MAPK8IP2: variants seen among roughly 807,000 people sequenced by gnomAD.
MAPK8IP2 encodes the protein C-Jun-amino-terminal kinase-interacting protein 2.
Under a neutral mutation model 75.6 loss-of-function variants are expected in MAPK8IP2, and 15 were observed. The ratio of observed to expected loss-of-function variants is 0.20; its 90% CI spans 0.13 to 0.31. The LOEUF (loss-of-function observed/expected upper bound fraction) is 0.31, where lower values mean the gene tolerates loss of function less well. MAPK8IP2 is among the 10% of genes least tolerant of loss of function. The pLI is 1.00. For missense variants in MAPK8IP2, 1,089 were observed against 1,211.2 expected (o/e 0.90, Z 1.50); for synonymous variants, 632 against 554.5 (o/e 1.14, Z -1.96).
At chr22:50,606,846 G>T (rs1401417199) in intron 9 of MAPK8IP2, 75 bp from the exon 10 acceptor site, 9 of 1,593,038 alleles carry the variant, frequency 5.6e-6, no homozygotes, top group Admixed American at 1.7e-5. Flanking sequence ...GCTGGCAGGG[G>T]TGTCCAGTAG....
chr22:50,609,588 G>C, intron 10 of MAPK8IP2: 3 of 364,808 alleles, frequency 8.2e-6, no homozygotes, highest in Non-Finnish European at 1.6e-5. Context: ...TGGACGGGTC[G>C]GCCAGTTTCA....
intron 8 of MAPK8IP2, 46 bp downstream of exon 8, chr22:50,605,980 G>A (rs372723597): frequency 2.2e-5 from 31 of 1,432,174 alleles, no homozygotes; most frequent in African/African-American, 1.7e-4. Context: ...TCCGCTTGGC[G>A]GCCACACCAG....
At chr22:50,605,250 TAGG>T in intron 5 of MAPK8IP2, 115 bp from the exon 6 acceptor site, 1 of 1,145,248 alleles carries the variant, frequency 8.7e-7, no homozygotes. Flanking sequence ...TTCCCGCTCG[TAGG>T]ACACCTACAC....
rs953734555 is a variant in MAPK8IP2, at chr22:50,607,670, G to A, written c.2303+679G>A. ...GTGACCTGGAAGAGACCAGGGTGACGTCTCCCTGGGGGATGGTTGTACTGC... is the reference window on the plus strand; with the variant it reads ...GTGACCTGGAAGAGACCAGGGTGACATCTCCCTGGGGGATGGTTGTACTGC... On this transcript the variant is annotated intron_variant, in intron 10 of 11. Transcript: ENST00000329492. The surrounding 1 kb of genome is among the most constrained non-coding windows in gnomAD (Gnocchi z 5.6). Among the ~76,000 whole-genome samples the A allele has an allele frequency of 7.2e-5, 11 of 151,986 alleles. No individual in the cohort carries two copies. Among genetic ancestry groups the A allele is most frequent in the Admixed American group, 6.5e-4 (10 of 15,272 alleles).
chr22:50,604,956 C>T lies in MAPK8IP2; in HGVS notation c.1657C>T (p.Leu553=). ...EASEEEAGAA[L]LGGGQVSGDT... ...CAGCGAGGAGGAGGCGGGCGCGGCG[C>T]TGCTAGGCGGCGGTCAGGTCTCGGG... Residue 553 remains leucine (L), a synonymous_variant, in exon 5 of 12, where the codon CTG becomes TTG. Coordinates refer to ENST00000329492, the MANE Select transcript of MAPK8IP2 (RefSeq NM_012324.6). 1.9e-6 allele frequency: 3 copies of T among 1,611,904 alleles called. No individual in the cohort carries two copies. Among genetic ancestry groups the T allele is most frequent in the South Asian group, 1.1e-5 (1 of 91,048 alleles).
rs530165677 is a variant in MAPK8IP2, at chr22:50,605,747, C to T, written c.2014+13C>T. The T allele has an allele frequency of 1.9e-6, 3 of 1,605,396 alleles. No homozygotes were observed. The East Asian group carries it at 6.7e-5, about 36-fold the overall frequency. The stretch of plus-strand genomic sequence containing the variant: ...AAGGACCTGCTGGGTGAGGTCCCAA[C>T]CCCGAGGGGAGGCTTTTCACCCCAG... On this transcript the variant is annotated intron_variant, in intron 7 of 11. Coordinates refer to ENST00000329492, the MANE Select transcript of MAPK8IP2 (RefSeq NM_012324.6).
intron 3 of MAPK8IP2, 44 bp from the exon 4 acceptor site, chr22:50,603,582 G>T: frequency 6.3e-7 from 1 of 1,582,650 alleles, no homozygotes. Context: ...CACCCCCTGG[G>T]AGCTGGCCCT....
rs532395942 is a variant in MAPK8IP2, at chr22:50,606,645, A to C, written c.2125-13A>C. 1 of 1,576,862 alleles carries C rather than the reference A, an allele frequency of 6.3e-7. No homozygotes were observed. The highest frequency in any genetic ancestry group is 2.3e-5 in the East Asian group (1 of 43,108). On this transcript the variant is annotated splice_polypyrimidine_tract_variant and intron_variant, in intron 8 of 11. Coordinates refer to ENST00000329492, the MANE Select transcript of MAPK8IP2 (RefSeq NM_012324.6). ...CTCCTCAAGACCCTCTTCTCCCCCA[A>C]CTTCTTCTGTAGATTGCCACTGCCC...
In MAPK8IP2 at chr22:50,604,333, C is replaced by G; in HGVS notation, c.1034C>G (p.Ala345Gly). ...TCGGAGCCGGACCTCAGCGAGGACG[C>G]GGACTCGCCCTGGCTGCTCAGCAAC... ...SESEPDLSED[A>G]DSPWLLSNLV... Residue 345 changes from alanine to glycine, a missense_variant, in exon 5 of 12, where the codon GCG (alanine) becomes GGG (glycine). Physicochemically the swap from Ala to Gly is moderately conservative, Grantham distance 60. Around this residue, in one of 2 missense-constraint regions of MAPK8IP2, gnomAD observed 960 missense variants for 1,009.6 expected, o/e 0.95. Transcript: ENST00000329492. 6.5e-7 allele frequency: 1 copy of G among 1,537,014 alleles called. No individual in the cohort carries two copies. The highest frequency in any genetic ancestry group is 8.7e-7 in the Non-Finnish European group (1 of 1,147,594).
Position 50,604,555 on chromosome 22 carries a change from C to G in MAPK8IP2, c.1256C>G (p.Pro419Arg), listed in dbSNP as rs1438560036. ...VDMETLCAPP[P>R]PAPAAPRPGP... ...ATGGAGACGCTGTGCGCGCCGCCGC[C>G]GCCCGCGCCCGCCGCGCCTCGACCC... Residue 419 changes from proline to arginine, a missense_variant, in exon 5 of 12, where the codon CCG becomes CGG. By Grantham distance (103) the Pro-to-Arg change is moderately radical. This residue lies in a region of MAPK8IP2 where 960 missense variants were observed against 1,009.6 expected (regional missense o/e 0.95). Transcript: ENST00000329492. 4 of 1,153,638 alleles carry G rather than the reference C, an allele frequency of 3.5e-6. No homozygotes were observed. In the East Asian group the frequency reaches 1.8e-4, roughly 51 times the overall value. The allele number at this position is 1,153,638 out of a possible 1,614,324, so 71.5% of individuals were successfully genotyped here.
rs1257212094 is a variant in MAPK8IP2, at chr22:50,613,394, C to G, written c.*2615C>G. 6.5e-6 allele frequency: 1 copy of G among 152,800 alleles called. No homozygotes were observed. The allele number at this position is 152,800 out of a possible 1,614,324, so 9.5% of individuals were successfully genotyped here. ...GGCCTTGGTCACCCCAGACTCCTCCCTCCTGTCACCCTTATCCTCACCCCA... is the reference window on the plus strand; with the variant it reads ...GGCCTTGGTCACCCCAGACTCCTCCGTCCTGTCACCCTTATCCTCACCCCA... On this transcript the variant is annotated 3_prime_UTR_variant, in exon 12 of 12. Transcript: ENST00000329492.
intron 2 of MAPK8IP2, among the ~76,000 whole-genome samples, chr22:50,602,839 A>G (rs2070959827): frequency 6.6e-6 from 1 of 152,216 alleles, no homozygotes; most frequent in Admixed American, 6.5e-5. Flanking sequence ...TAACATGGAC[A>G]TGACCCTGCC....
chr22:50,600,920 G>T (rs368607972), intron 1 of MAPK8IP2, 37 bp downstream of exon 1: 1 of 1,028,736 alleles, frequency 9.7e-7, no homozygotes, highest in Non-Finnish European at 1.2e-6. Flanking sequence ...CGGACCCTCC[G>T]CTCCCTGCGC....
At position 50,605,895 on chromosome 22, in the gene MAPK8IP2, C is replaced by T; in HGVS notation, c.2085C>T (p.Cys695=). Residue 695 remains cysteine (C), a synonymous_variant, in exon 8 of 12, where the codon TGC becomes TGT. Transcript: ENST00000329492. ...VQFLGSVEVP[C]HQGNGILCAA... ...TCCTGGGCTCCGTGGAGGTGCCCTGCCACCAGGGCAACGGCATCCTGTGTG... is the reference window on the plus strand; with the variant it reads ...TCCTGGGCTCCGTGGAGGTGCCCTGTCACCAGGGCAACGGCATCCTGTGTG... The T allele has an allele frequency of 6.3e-7, 1 of 1,585,680 alleles. No individual in the cohort carries two copies.
In MAPK8IP2 at chr22:50,607,045, T is replaced by G; in HGVS notation, c.2303+54T>G. 1.4e-6 allele frequency: 2 copies of G among 1,460,720 alleles called. No individual in the cohort carries two copies. Among genetic ancestry groups the G allele is most frequent in the South Asian group, 1.1e-5 (1 of 87,850 alleles). The allele number at this position is 1,460,720 out of a possible 1,614,324, so 90.5% of individuals were successfully genotyped here. On this transcript the variant is annotated intron_variant, in intron 10 of 11. Coordinates refer to ENST00000329492, the MANE Select transcript of MAPK8IP2 (RefSeq NM_012324.6). The surrounding 1 kb of genome is among the most constrained non-coding windows in gnomAD (Gnocchi z 5.6). ...CAACCGCCCCCACAAACCCTGAGAG[T>G]CCAACCGCCCCCTGAGTCCCCACAG...
In MAPK8IP2 at chr22:50,610,435, G is replaced by A. The variant is rs1345679412; in HGVS notation, c.2402+125G>A. The A allele has an allele frequency of 2.4e-6, 2 of 845,116 alleles. No homozygotes were observed. Among genetic ancestry groups the A allele is most frequent in the Non-Finnish European group, 3.8e-6 (2 of 523,878 alleles). The allele number at this position is 845,116 out of a possible 1,614,324, so 52.4% of individuals were successfully genotyped here. A position where few individuals can be genotyped will look rare whatever the true frequency, so the allele number is the denominator to read the frequency against. ...CTGGGGAAGGAGAACCAGATGTGCT[G>A]TGTAGAGAGGGCAGTGGTGGGTGAC... On this transcript the variant is annotated intron_variant, in intron 11 of 11. Transcript: ENST00000329492. The surrounding 1 kb of genome is among the most constrained non-coding windows in gnomAD (Gnocchi z 4.3).
Position 50,600,871 on chromosome 22 carries a change from CG to C in MAPK8IP2, c.54del (p.Pro19ArgfsTer9). Reference sequence around the variant, plus strand: ...CTCTCCACCTTCCACTCGCTGTCGCCGCCGGGCTGCAGGTACCCCCCTCGGC... The same window carrying C: ...CTCTCCACCTTCCACTCGCTGTCGCCCCGGGCTGCAGGTACCCCCCTCGGC... ...FSLSTFHSLS[P>X]PGCRPPQDIS... On this transcript the variant is annotated frameshift_variant, in exon 1 of 12. Transcript: ENST00000329492. LOFTEE classifies it high-confidence loss of function. The C allele has an allele frequency of 7.8e-7, 1 of 1,285,516 alleles. No homozygotes were observed. 79.6% of individuals were successfully genotyped at this position (1,285,516 alleles called of 1,614,324 possible).
rs542972429 is a variant in MAPK8IP2, at chr22:50,610,525, G to T, written c.2403-182G>T. On this transcript the variant is annotated intron_variant, in intron 11 of 11. Coordinates refer to ENST00000329492, the MANE Select transcript of MAPK8IP2 (RefSeq NM_012324.6). This position sits in a 1 kb window ranked among gnomAD's most constrained non-coding sequence, Gnocchi z 4.3. ...CACATGGCCCAGGCACTCTGGCAGG[G>T]GTAGAATTGCTGGGCCAGGAGAGCT... 3.9e-5 allele frequency among the ~76,000 whole-genome samples: 6 copies of T among 152,202 alleles called. No individual in the cohort carries two copies. Among genetic ancestry groups the T allele is most frequent in the Middle Eastern group, 3.4e-3 (1 of 294 alleles).
In MAPK8IP2 at chr22:50,604,464, G is replaced by T; in HGVS notation, c.1165G>T (p.Gly389Trp). 7.3e-7 allele frequency: 1 copy of T among 1,371,444 alleles called. No individual in the cohort carries two copies. 85.0% of individuals were successfully genotyped at this position (1,371,444 alleles called of 1,614,324 possible). ...CGGGGAGCCCGTGTCGCCGGCCGGC[G>T]GGGCCGCCCAGGACTCCCAGGACCC... ...PPGEPVSPAG[G>W]AAQDSQDPEA... Residue 389 changes from glycine to tryptophan, a missense_variant, in exon 5 of 12, where the codon GGG (glycine) becomes TGG (tryptophan). Physicochemically the swap from Gly to Trp is radical, Grantham distance 184. Transcript: ENST00000329492.
Sources: gnomAD v4.1 joint callset for allele counts (sites outside exome capture counted in the v4.1 genomes callset) on GRCh38, gnomAD v4.1.1 for gene constraint, gnomAD v4.1.1 regional missense constraint, Gnocchi (gnomAD v3.1) non-coding constraint, MANE v1.5 for transcripts, NCBI Gene and HGNC (gene_info 2026-07-23, HGNC 2026-07-21) for gene names.